PDZD2: variants seen among roughly 807,000 people sequenced by gnomAD.
The protein encoded by PDZD2 is PDZ domain containing 2.
Under a neutral mutation model 220.7 loss-of-function variants are expected in PDZD2, and 90 were observed. The ratio of observed to expected loss-of-function variants is 0.41; its 90% CI spans 0.34 to 0.49. PDZD2 has a LOEUF of 0.49. Ranked by LOEUF, PDZD2 falls within the 20% of genes least tolerant of loss-of-function variation. The probability of loss-of-function intolerance (pLI) is 0.28; values close to 1 mark genes in which losing one functional copy is unlikely to be tolerated. For synonymous variants in PDZD2, 1,375 were observed against 1,450.5 expected (o/e 0.95, Z 1.18); for missense variants, 3,174 against 3,608.5 (o/e 0.88, Z 3.08).
chr5:32,006,768 C>T (rs1051356064), intron 5 of PDZD2, among the ~76,000 whole-genome samples: 4 of 148,500 alleles, frequency 2.7e-5, no homozygotes, highest in Non-Finnish European at 5.9e-5. Flanking sequence ...TGGCTCACTG[C>T]GACCTCCGCC....
At chr5:31,868,381 G>A (rs1206546449) in intron 2 of PDZD2, among the ~76,000 whole-genome samples, 1 of 152,188 alleles carries the variant, frequency 6.6e-6, no homozygotes, top group African/African-American at 2.4e-5. Flanking sequence ...GGAGGTGGAG[G>A]TTGCAGTAAG....
At position 32,090,676 on chromosome 5, in the gene PDZD2, C is replaced by T. The variant is rs1743043756; in HGVS notation, c.7228C>T (p.Leu2410Phe). 5.0e-6 allele frequency: 8 copies of T among 1,614,194 alleles called. No individual in the cohort carries two copies. Among genetic ancestry groups the T allele is most frequent in the Non-Finnish European group, 6.8e-6 (8 of 1,180,040 alleles). The change falls in exon 20 of 25, where the codon CTC becomes TTC. Residue 2410 changes from leucine to phenylalanine, a missense_variant. Around this residue, in one of 4 missense-constraint regions of PDZD2, gnomAD observed 631 missense variants for 789.9 expected, o/e 0.80. Transcript: ENST00000438447. This position sits in a 1 kb window ranked among gnomAD's most constrained non-coding sequence, Gnocchi z 4.3. ...CSENQSEAGTLLPQMAKSPSI... is the reference protein window; with the variant it reads ...CSENQSEAGTFLPQMAKSPSI... Reference sequence around the variant, plus strand: ...CGAAAACCAAAGCGAAGCCGGCACCCTCCTGCCCCAGATGGCCAAGTCTCC... The same window carrying T: ...CGAAAACCAAAGCGAAGCCGGCACCTTCCTGCCCCAGATGGCCAAGTCTCC...
At chr5:31,828,318 A>G (rs1756354327) in intron 2 of PDZD2, among the ~76,000 whole-genome samples, 1 of 152,148 alleles carries the variant, frequency 6.6e-6, no homozygotes, top group Non-Finnish European at 1.5e-5. Context: ...TAAGGGTTCT[A>G]ATTTCTCCAC....
At chr5:31,727,806 G>A (rs1245608726) in intron 1 of PDZD2, among the ~76,000 whole-genome samples, 13 of 151,532 alleles carry the variant, frequency 8.6e-5, no homozygotes, top group East Asian at 1.9e-4. Flanking sequence ...ATGCGAGACC[G>A]TCTTGGCTAA....
At chr5:31,752,199 C>G (rs932867302) in intron 1 of PDZD2, among the ~76,000 whole-genome samples, 1 of 151,454 alleles carries the variant, frequency 6.6e-6, no homozygotes, top group African/African-American at 2.4e-5. Context: ...CTACCTCAAC[C>G]TCCCAAGTAG....
At chr5:32,060,940 G>T in intron 13 of PDZD2, 62 bp from the exon 14 acceptor site, 2 of 1,537,696 alleles carry the variant, frequency 1.3e-6, no homozygotes, top group Non-Finnish European at 1.8e-6. Context: ...TAGCAAGAAG[G>T]CTATTTTAGC....
intron 2 of PDZD2, among the ~76,000 whole-genome samples, chr5:31,815,482 C>T (rs115211439): frequency 6.6e-6 from 1 of 152,158 alleles, no homozygotes; most frequent in African/African-American, 2.4e-5. Flanking sequence ...TGCCTGCTGT[C>T]TGTCATGTGA....
At chr5:31,866,709 A>G (rs773563475) in intron 2 of PDZD2, among the ~76,000 whole-genome samples, 1 of 152,148 alleles carries the variant, frequency 6.6e-6, no homozygotes, top group African/African-American at 2.4e-5. Context: ...TTGGGACCCA[A>G]CGTTTTGGAT....
chr5:31,915,473 G>C (rs1371550379), intron 2 of PDZD2, among the ~76,000 whole-genome samples: 1 of 152,056 alleles, frequency 6.6e-6, no homozygotes, highest in African/African-American at 2.4e-5. Flanking sequence ...TTTGTCTTGC[G>C]TCCAGACATT....
chr5:32,042,332 C>T (rs184530550), intron 7 of PDZD2, among the ~76,000 whole-genome samples: 2,309 of 146,824 alleles, frequency 0.016, 85 homozygotes, highest in African/African-American at 0.055. Flanking sequence ...GAGGCCGAGG[C>T]GGGTGGATCA....
At chr5:31,882,952 C>T (rs1740059994) in intron 2 of PDZD2, among the ~76,000 whole-genome samples, 2 of 145,972 alleles carry the variant, frequency 1.4e-5, no homozygotes, top group Admixed American at 1.4e-4. Flanking sequence ...ATCGCTTGAA[C>T]CCTGGAGGCA....
At chr5:31,933,555 T>C (rs1745482387) in intron 2 of PDZD2, among the ~76,000 whole-genome samples, 1 of 152,110 alleles carries the variant, frequency 6.6e-6, no homozygotes, top group African/African-American at 2.4e-5. Flanking sequence ...CTTAGGTGTG[T>C]CCCTAGGCTG....
chr5:32,068,363 A>T (rs545704278), intron 14 of PDZD2, among the ~76,000 whole-genome samples: 1 of 152,350 alleles, frequency 6.6e-6, no homozygotes, highest in African/African-American at 2.4e-5. Context: ...TATGCAAAGA[A>T]GTTGATCCAT....
intron 2 of PDZD2, among the ~76,000 whole-genome samples, chr5:31,903,489 A>C (rs1229853577): frequency 5.9e-5 from 9 of 151,464 alleles, no homozygotes; most frequent in Non-Finnish European, 1.2e-4. Flanking sequence ...TCTACTAAAA[A>C]TACAAAAAAT....
rs760777686 is a variant in PDZD2, at chr5:32,098,343, C to T, written c.7948-21C>T. The stretch of plus-strand genomic sequence containing the variant: ...CGTAAGTGGATCTGGTTTTTGTTCC[C>T]TTTTCCTTTCCTCATCCCAGGTCCA... On this transcript the variant is annotated intron_variant, in intron 22 of 24. Coordinates refer to ENST00000438447, the MANE Select transcript of PDZD2 (RefSeq NM_178140.4). The surrounding 1 kb of genome is among the most constrained non-coding windows in gnomAD (Gnocchi z 4.1). 1 of 1,608,870 alleles carries T rather than the reference C, an allele frequency of 6.2e-7. No homozygotes were observed. The highest frequency in any genetic ancestry group is 8.5e-7 in the Non-Finnish European group (1 of 1,177,296).
chr5:31,908,082 C>CAAAAAAAAAAAAAAA (rs55741622), intron 2 of PDZD2, among the ~76,000 whole-genome samples: 6 of 76,886 alleles, frequency 7.8e-5, no homozygotes, highest in African/African-American at 3.3e-4. Context: ...GGCTCCGTCT[C>CAAAAAAAAAAAAAAA]AAAAAAAAAA....
intron 2 of PDZD2, among the ~76,000 whole-genome samples, chr5:31,892,229 A>G (rs1354315181): frequency 6.6e-6 from 1 of 151,976 alleles, no homozygotes; most frequent in Non-Finnish European, 1.5e-5. Context: ...TAACAAAACT[A>G]ATTTCTGGAT....
At chr5:32,099,220 G>A (rs895137461) in intron 23 of PDZD2, 1 of 153,042 alleles carries the variant, frequency 6.5e-6, no homozygotes, top group Non-Finnish European at 1.5e-5. Flanking sequence ...TCTGCAGTGC[G>A]AGCTGTTTAA....
chr5:31,773,070 T>C (rs1487765734), intron 1 of PDZD2, among the ~76,000 whole-genome samples: 8 of 152,110 alleles, frequency 5.3e-5, no homozygotes, highest in Non-Finnish European at 1.2e-4. Flanking sequence ...TGAAAGCCAT[T>C]GAGAAGCAAC....
Sources: allele counts gnomAD v4.1 joint callset (sites outside exome capture counted in the v4.1 genomes callset), GRCh38; gene constraint gnomAD v4.1.1; regional missense constraint gnomAD v4.1.1; non-coding constraint Gnocchi (gnomAD v3.1); transcripts MANE v1.5; gene names NCBI Gene and HGNC (gene_info 2026-07-23, HGNC 2026-07-21).